The following DOCK4 variants were observed in gnomAD, a reference collection of about 807,000 sequenced individuals.
The protein encoded by DOCK4 is dedicator of cytokinesis 4.
In DOCK4, 97 loss-of-function variants were observed where a neutral mutation model predicts 268.1. The observed-to-expected ratio is 0.36, with a 90% confidence interval of 0.31 to 0.43. The LOEUF is 0.43. DOCK4 is among the 20% of genes least tolerant of loss of function. DOCK4 has a pLI of 1.00. For synonymous variants in DOCK4, 954 were observed against 887.2 expected, an observed-to-expected ratio of 1.08 and a Z score of -1.34; for missense variants, 2,145 against 2,455.7, an observed-to-expected ratio of 0.87 and a Z score of 2.67.
chr7:111,842,109 C>A (rs7798389), intron 25 of DOCK4, among the ~76,000 whole-genome samples: 56,402 of 152,016 alleles, frequency 0.37, 15,609 homozygotes, highest in African/African-American at 0.79. Context: ...GAAAGTGTAG[C>A]CATACTTCTC....
intron 16 of DOCK4, among the ~76,000 whole-genome samples, chr7:111,878,493 T>C (rs1475044087): frequency 6.6e-6 from 1 of 152,084 alleles, no homozygotes; most frequent in African/African-American, 2.4e-5. Context: ...GAACCAAAAA[T>C]CAGGTGAGCA....
chr7:112,020,987 TCAA>T (rs1489098545), intron 1 of DOCK4, among the ~76,000 whole-genome samples: 1 of 152,152 alleles, frequency 6.6e-6, no homozygotes, highest in African/African-American at 2.4e-5. Flanking sequence ...TTCTGAAGGG[TCAA>T]CAACAACAGC....
chr7:112,057,768 C>T (rs981135286), intron 1 of DOCK4, among the ~76,000 whole-genome samples: 7 of 151,696 alleles, frequency 4.6e-5, no homozygotes, highest in East Asian at 3.9e-4. Flanking sequence ...GAGCAAGACC[C>T]TGTCTTTATA....
intron 13 of DOCK4, among the ~76,000 whole-genome samples, chr7:111,904,534 T>G (rs570917512): frequency 2.0e-5 from 3 of 151,770 alleles, no homozygotes; most frequent in Admixed American, 6.6e-5. Context: ...GACAAAGGAG[T>G]AAGGTTCCAA....
At chr7:112,056,373 A>G (rs1678857188) in intron 1 of DOCK4, among the ~76,000 whole-genome samples, 1 of 152,204 alleles carries the variant, frequency 6.6e-6, no homozygotes, top group African/African-American at 2.4e-5. Context: ...TGCTAAATGT[A>G]CTATACAAAA....
chr7:111,801,684 T>A (rs900296458), intron 30 of DOCK4: 5 of 148,076 alleles, frequency 3.4e-5, no homozygotes, highest in African/African-American at 1.3e-4. Flanking sequence ...CTTTTCTTTT[T>A]TCCTTTTTTT....
intron 23 of DOCK4, among the ~76,000 whole-genome samples, chr7:111,861,755 A>T (rs935288303): frequency 4.6e-4 from 66 of 142,846 alleles, no homozygotes; most frequent in Admixed American, 1.1e-3. Context: ...CAAAAAAAAA[A>T]AAAAATAATA....
At chr7:111,820,622 A>C (rs1438068045) in intron 27 of DOCK4, 2 of 152,228 alleles carry the variant, frequency 1.3e-5, no homozygotes, top group Non-Finnish European at 2.9e-5. Context: ...AGAGAGAGGC[A>C]GTATTTAATA....
In DOCK4 at chr7:111,829,881, T is replaced by C. The variant is rs141202543; in HGVS notation, c.2835+4707A>G. Reference sequence around the variant, plus strand: ...AAAACCTGACCAGAATGATTTATAGTCTTTATTTATCCCATATGGAGTGAA... The same window carrying C: ...AAAACCTGACCAGAATGATTTATAGCCTTTATTTATCCCATATGGAGTGAA... On this transcript the variant is annotated intron_variant, in intron 26 of 52. Coordinates refer to ENST00000428084, the MANE Select transcript of DOCK4 (RefSeq NM_001363540.2). Among the ~76,000 whole-genome samples, 1,148 of 152,266 alleles carry C rather than the reference T, an allele frequency of 7.5e-3. 15 individuals are homozygous for C. Among genetic ancestry groups the C allele is most frequent in the African/African-American group, 0.026 (1,085 of 41,538 alleles).
chr7:112,072,767 G>A (rs940314847), intron 1 of DOCK4, among the ~76,000 whole-genome samples: 1 of 152,212 alleles, frequency 6.6e-6, no homozygotes. Flanking sequence ...GCAGCTTCCT[G>A]ATAAGATCTC....
At chr7:111,828,084 C>A (rs1802538366) in intron 26 of DOCK4, among the ~76,000 whole-genome samples, 1 of 152,210 alleles carries the variant, frequency 6.6e-6, no homozygotes, top group East Asian at 1.9e-4. Flanking sequence ...AAAACTGTAG[C>A]CTCCAGTATG....
In DOCK4 at chr7:111,847,052, T is replaced by C; in HGVS notation, c.2548A>G (p.Met850Val). ...ACGTTGCTAAGGATACGTGCACACA[T>C]GATCAGGTCCTTCTGTTCTTGCAAG... Reference protein sequence around the residue: ...IHLQEQKDLIMCARILSNVFC... With the variant: ...IHLQEQKDLIVCARILSNVFC... Residue 850 changes from methionine (M) to valine (V), a missense_variant, in exon 24 of 53, where the codon ATG becomes GTG. Physicochemically the swap from Met to Val is conservative, Grantham distance 21. Around this residue, in one of 2 missense-constraint regions of DOCK4, gnomAD observed 1,598 missense variants for 1,986.7 expected, o/e 0.80. Coordinates refer to ENST00000428084, the MANE Select transcript of DOCK4 (RefSeq NM_001363540.2). 6.2e-7 allele frequency: 1 copy of C among 1,613,902 alleles called. No individual in the cohort carries two copies. Among genetic ancestry groups the C allele is most frequent in the Non-Finnish European group, 8.5e-7 (1 of 1,179,790 alleles).
intron 36 of DOCK4, among the ~76,000 whole-genome samples, chr7:111,775,016 C>T (rs758603062): frequency 8.6e-4 from 131 of 152,272 alleles, no homozygotes; most frequent in Non-Finnish European, 1.0e-3. Flanking sequence ...GCTGACAGTT[C>T]AGAGGCAGAC....
chr7:112,128,834 T>C (rs1474790656), intron 1 of DOCK4, among the ~76,000 whole-genome samples: 9 of 152,028 alleles, frequency 5.9e-5, no homozygotes, highest in Admixed American at 5.2e-4. Context: ...CACTTGTTTA[T>C]CTGCTGACCT....
intron 1 of DOCK4, among the ~76,000 whole-genome samples, chr7:112,173,569 C>T (rs1187200704): frequency 6.6e-6 from 1 of 152,058 alleles, no homozygotes; most frequent in African/African-American, 2.4e-5. Context: ...CAAAAGGGTT[C>T]CATTGGGATC....
At chr7:111,957,680 T>C (rs1796551203) in intron 8 of DOCK4, among the ~76,000 whole-genome samples, 1 of 152,184 alleles carries the variant, frequency 6.6e-6, no homozygotes, top group South Asian at 2.1e-4. Context: ...TTTGTTCCTG[T>C]TTTATTCAAT....
chr7:112,117,997 C>T (rs928034017), intron 1 of DOCK4, among the ~76,000 whole-genome samples: 4 of 152,120 alleles, frequency 2.6e-5, no homozygotes, highest in Non-Finnish European at 5.9e-5. Flanking sequence ...TGGCCTCCTC[C>T]TCCAGAGCCA....
At chr7:112,029,055 G>C (rs964263787) in intron 1 of DOCK4, among the ~76,000 whole-genome samples, 1 of 152,110 alleles carries the variant, frequency 6.6e-6, no homozygotes, top group Admixed American at 6.5e-5. Flanking sequence ...CTGTTTCTCA[G>C]CATCTGACCC....
intron 1 of DOCK4, among the ~76,000 whole-genome samples, chr7:112,021,993 T>C (rs2135415319): frequency 6.6e-6 from 1 of 152,310 alleles, no homozygotes; most frequent in Middle Eastern, 3.4e-3. Flanking sequence ...TTCCGATTAA[T>C]GTCAAAATTG....
Sources: allele counts gnomAD v4.1 joint callset (sites outside exome capture counted in the v4.1 genomes callset), GRCh38; gene constraint gnomAD v4.1.1; regional missense constraint gnomAD v4.1.1; transcripts MANE v1.5; gene names NCBI Gene and HGNC (gene_info 2026-07-23, HGNC 2026-07-21).